The following HS2ST1 variants were observed in gnomAD, a reference collection of about 807,000 sequenced individuals.
HS2ST1 encodes the protein heparan sulfate 2-O-sulfotransferase 1.
In HS2ST1, 18 loss-of-function variants were observed where a neutral mutation model predicts 42.9. The ratio of observed to expected loss-of-function variants is 0.42; its 90% CI spans 0.29 to 0.62. The LOEUF is 0.62. Ranked by LOEUF, HS2ST1 falls within the 20% of genes least tolerant of loss-of-function variation. The probability of loss-of-function intolerance (pLI) is 0.21; values close to 1 mark genes in which losing one functional copy is unlikely to be tolerated. For missense variants in HS2ST1, 334 were observed against 433.8 expected, an observed-to-expected ratio of 0.77 and a Z score of 2.04; for synonymous variants, 146 against 152.9, an observed-to-expected ratio of 0.95 and a Z score of 0.33.
At chr1:86,999,923 C>T (rs1255624695) in intron 1 of HS2ST1, among the ~76,000 whole-genome samples, 2 of 152,200 alleles carry the variant, frequency 1.3e-5, no homozygotes, top group East Asian at 3.9e-4. Flanking sequence ...TCTTGGAATG[C>T]CTCTTTGTAA....
chr1:86,983,035 A>C (rs1936279), intron 1 of HS2ST1, among the ~76,000 whole-genome samples: 3 of 152,110 alleles, frequency 2.0e-5, no homozygotes, highest in African/African-American at 7.2e-5. Flanking sequence ...TCCATATCAC[A>C]ATCAGCCTTT....
chr1:86,984,413 T>C (rs1403628113), intron 1 of HS2ST1, among the ~76,000 whole-genome samples: 1 of 152,206 alleles, frequency 6.6e-6, no homozygotes, highest in African/African-American at 2.4e-5. Flanking sequence ...CAGGAAGCTT[T>C]TCTCAAGAAG....
At chr1:86,926,673 C>G (rs1217824432) in intron 1 of HS2ST1, among the ~76,000 whole-genome samples, 1 of 152,012 alleles carries the variant, frequency 6.6e-6, no homozygotes, top group African/African-American at 2.4e-5. Context: ...TTGTGTGTCC[C>G]CAAGTTGACT....
intron 1 of HS2ST1, among the ~76,000 whole-genome samples, chr1:86,924,512 T>G (rs1245582635): frequency 1.3e-5 from 2 of 152,204 alleles, no homozygotes; most frequent in African/African-American, 4.8e-5. Flanking sequence ...CACAGCAAAC[T>G]TCTGCTTGGG....
rs566415438 is a variant in HS2ST1, at chr1:87,074,496, G to T, written c.363+1324G>T. Among the ~76,000 whole-genome samples the T allele has an allele frequency of 7.0e-4, 107 of 152,206 alleles. 1 individual carries two copies. Among genetic ancestry groups the T allele is most frequent in the Admixed American group, 5.3e-3 (81 of 15,290 alleles). On this transcript the variant is annotated intron_variant, in intron 2 of 6. Transcript: ENST00000370550. The stretch of plus-strand genomic sequence containing the variant: ...TTAGAAAAATAATGTTAATTTGTTT[G>T]TTCAGCATTACAAAGTCCTGGTAAC...
At chr1:86,980,213 G>C (rs1648537265) in intron 1 of HS2ST1, among the ~76,000 whole-genome samples, 1 of 152,080 alleles carries the variant, frequency 6.6e-6, no homozygotes, top group Non-Finnish European at 1.5e-5. Context: ...CTGCTTTGAG[G>C]GAACTTGCAT....
chr1:87,034,116 C>T (rs191682909), intron 1 of HS2ST1, among the ~76,000 whole-genome samples: 26 of 152,038 alleles, frequency 1.7e-4, no homozygotes, highest in Non-Finnish European at 2.9e-4. Context: ...ATAAGTAGAC[C>T]ATCTACCCTT....
At chr1:87,101,453 A>G (rs768661336) in intron 5 of HS2ST1, among the ~76,000 whole-genome samples, 16 of 152,152 alleles carry the variant, frequency 1.1e-4, no homozygotes, top group Non-Finnish European at 1.5e-4. Context: ...GGTGTGAGCC[A>G]CCGCACCCGA....
chr1:87,091,185 G>T (rs1351135089), intron 3 of HS2ST1, among the ~76,000 whole-genome samples: 2 of 151,776 alleles, frequency 1.3e-5, no homozygotes, highest in African/African-American at 4.8e-5. Context: ...TGGCAATATT[G>T]GGTTCATACA....
rs775981799 is a variant in HS2ST1, at chr1:86,916,120, T to TA, written c.124+961dup. On this transcript the variant is annotated intron_variant, in intron 1 of 6. Coordinates refer to ENST00000370550, the MANE Select transcript of HS2ST1 (RefSeq NM_012262.4). ...CAGATAATAGGTACTTTCGGATTAA[T>TA]AGGGCACTTTGGCATTTGGAAGAGC... Among the ~76,000 whole-genome samples the TA allele has an allele frequency of 3.9e-5, 6 of 152,176 alleles. No individual in the cohort carries two copies. In the East Asian group the frequency reaches 9.6e-4, roughly 24 times the overall value.
At chr1:87,018,636 GCTTATGTA>G (rs1649832971) in intron 1 of HS2ST1, among the ~76,000 whole-genome samples, 1 of 152,160 alleles carries the variant, frequency 6.6e-6, no homozygotes, top group South Asian at 2.1e-4. Flanking sequence ...AGCAAGTTCT[GCTTATGTA>G]GCACCACAGC....
chr1:86,996,956 G>A (rs765439038), intron 1 of HS2ST1, among the ~76,000 whole-genome samples: 26 of 151,898 alleles, frequency 1.7e-4, no homozygotes, highest in Non-Finnish European at 3.5e-4. Context: ...CCTTATAAAC[G>A]TTAGGCCATA....
chr1:86,959,354 G>T (rs1402482281), intron 1 of HS2ST1, among the ~76,000 whole-genome samples: 1 of 152,162 alleles, frequency 6.6e-6, no homozygotes, highest in Non-Finnish European at 1.5e-5. Context: ...AAGTGCTCTG[G>T]AACTAATAAG....
intron 5 of HS2ST1, among the ~76,000 whole-genome samples, chr1:87,099,764 T>TA (rs1156830747): frequency 1.3e-5 from 2 of 152,190 alleles, no homozygotes; most frequent in African/African-American, 4.8e-5. Context: ...GCCTGTGAGA[T>TA]AAAAAACAAG....
intron 4 of HS2ST1, among the ~76,000 whole-genome samples, chr1:87,095,048 C>T (rs1168570638): frequency 6.6e-6 from 1 of 152,052 alleles, no homozygotes; most frequent in African/African-American, 2.4e-5. Flanking sequence ...TGGCTTGTTT[C>T]TTATGATACA....
chr1:87,096,070 G>A (rs555413527), intron 4 of HS2ST1, among the ~76,000 whole-genome samples: 2 of 150,564 alleles, frequency 1.3e-5, no homozygotes, highest in Admixed American at 6.6e-5. Context: ...CAATTTGTTC[G>A]AAATGTTCTT....
chr1:86,932,428 A>C (rs1005184395), intron 1 of HS2ST1: 3 of 152,142 alleles, frequency 2.0e-5, no homozygotes, highest in Non-Finnish European at 4.4e-5. Flanking sequence ...AATTCATGTA[A>C]TATACCCTCT....
chr1:87,026,929 G>A (rs917996351), intron 1 of HS2ST1, among the ~76,000 whole-genome samples: 5 of 152,210 alleles, frequency 3.3e-5, no homozygotes, highest in Non-Finnish European at 5.9e-5. Context: ...GAAATTTAAA[G>A]TCAACTGGTT....
rs559542455 is a variant in HS2ST1 at position 86,918,545 on chromosome 1, T to A, written c.124+3385T>A. 1.4e-4 allele frequency among the ~76,000 whole-genome samples: 21 copies of A among 152,152 alleles called. 1 individual carries two copies. Among genetic ancestry groups the A allele is most frequent in the Admixed American group, 1.2e-3 (19 of 15,286 alleles). ...TTTTCTTTCTTGGTATTATAAACAATTATAGGAAACATCCTTATGTGTCCG... is the reference window on the plus strand; with the variant it reads ...TTTTCTTTCTTGGTATTATAAACAAATATAGGAAACATCCTTATGTGTCCG... On this transcript the variant is annotated intron_variant, in intron 1 of 6. Transcript: ENST00000370550.
Sources: allele counts gnomAD v4.1 joint callset (sites outside exome capture counted in the v4.1 genomes callset), GRCh38; gene constraint gnomAD v4.1.1; transcripts MANE v1.5; gene names NCBI Gene and HGNC (gene_info 2026-07-23, HGNC 2026-07-21).